The following LCMT1 variants were observed in gnomAD, a reference collection of about 807,000 sequenced individuals.
LCMT1 encodes [Phosphatase 2A protein]-leucine-carboxy methyltransferase 1.
LCMT1 carries 32 observed loss-of-function variants against 47.7 expected under a neutral mutation model. The observed-to-expected ratio is 0.67, with a 90% CI of 0.51 to 0.90. The LOEUF (loss-of-function observed/expected upper bound fraction) is 0.90. LCMT1 is among the 40% of genes least tolerant of loss of function. The pLI, the probability that LCMT1 is intolerant of heterozygous loss-of-function variation, is 0.00. For synonymous variants in LCMT1, 152 were observed against 149.7 expected (o/e 1.02, Z -0.11); for missense variants, 375 against 415.2 (o/e 0.90, Z 0.84).
At chr16:25,130,813 TAA>T (rs896675298) in intron 2 of LCMT1, among the ~76,000 whole-genome samples, 4 of 152,316 alleles carry the variant, frequency 2.6e-5, no homozygotes, top group African/African-American at 9.6e-5. Context: ...CTCCAGAGCG[TAA>T]AGAGAAGTCT....
chr16:25,153,781 C>T (rs982619747), intron 5 of LCMT1, among the ~76,000 whole-genome samples: 14 of 151,808 alleles, frequency 9.2e-5, no homozygotes, highest in Non-Finnish European at 1.6e-4. Context: ...GATGAAACCC[C>T]GTCTCTACTA....
At chr16:25,120,746 T>TG (rs1284119152) in intron 1 of LCMT1, among the ~76,000 whole-genome samples, 4 of 140,462 alleles carry the variant, frequency 2.8e-5, no homozygotes, top group African/African-American at 1.2e-4. Flanking sequence ...TTTGTTTTTT[T>TG]TTTTTGTTTT....
At chr16:25,130,645 C>CA (rs151189729) in intron 2 of LCMT1, among the ~76,000 whole-genome samples, 6 of 151,718 alleles carry the variant, frequency 4.0e-5, no homozygotes, top group Non-Finnish European at 5.9e-5. Context: ...GACCCTGTCT[C>CA]AAAAAAAAGA....
At chr16:25,157,222 C>T (rs557114564) in intron 5 of LCMT1, among the ~76,000 whole-genome samples, 1 of 151,892 alleles carries the variant, frequency 6.6e-6, no homozygotes, top group Admixed American at 6.6e-5. Flanking sequence ...TTTCTCATGC[C>T]TTTTCACCTC....
chr16:25,161,377 G>T lies in LCMT1; in HGVS notation c.569+173G>T, dbSNP rs190729007. Among the ~76,000 whole-genome samples the T allele has an allele frequency of 2.0e-5, 3 of 149,628 alleles. No individual in the cohort carries two copies. In the East Asian group the frequency reaches 5.8e-4, roughly 29 times the overall value. On this transcript the variant is annotated intron_variant, in intron 6 of 10. Transcript: ENST00000399069. ...AAAAATTCTTTTTTTTTTTTTTGAG[G>T]TGGAGTTTTGCTCTTGTTGCCCAGG...
intron 6 of LCMT1, among the ~76,000 whole-genome samples, chr16:25,161,519 G>A (rs1308435195): frequency 6.6e-6 from 1 of 152,022 alleles, no homozygotes; most frequent in African/African-American, 2.4e-5. Context: ...ACCATGCCTG[G>A]CTAAGTTTGT....
intron 3 of LCMT1, among the ~76,000 whole-genome samples, chr16:25,139,224 A>C (rs966480876): frequency 6.6e-6 from 1 of 152,132 alleles, no homozygotes; most frequent in African/African-American, 2.4e-5. Flanking sequence ...TCACTTTTCA[A>C]ACAAGTAAAT....
chr16:25,113,481 A>G (rs1402988519), intron 1 of LCMT1, among the ~76,000 whole-genome samples: 1 of 152,236 alleles, frequency 6.6e-6, no homozygotes, highest in Non-Finnish European at 1.5e-5. Flanking sequence ...GGGGAGTATA[A>G]TAACGCATCA....
At chr16:25,173,359 T>C (rs1425005428) in intron 9 of LCMT1, among the ~76,000 whole-genome samples, 1 of 152,204 alleles carries the variant, frequency 6.6e-6, no homozygotes, top group African/African-American at 2.4e-5. Context: ...TTCTAGAACT[T>C]GGTATCAGAT....
intron 10 of LCMT1, among the ~76,000 whole-genome samples, chr16:25,176,153 GATCT>G (rs1961926993): frequency 6.6e-6 from 1 of 152,094 alleles, no homozygotes; most frequent in African/African-American, 2.4e-5. Context: ...AACAGGCGTG[GATCT>G]ATCTCTGTTT....
At chr16:25,139,967 G>T in intron 3 of LCMT1, 1 of 544,398 alleles carries the variant, frequency 1.8e-6, no homozygotes, top group Non-Finnish European at 3.3e-6. Flanking sequence ...GACTCCTCTG[G>T]CTTCCTGACT....
intron 7 of LCMT1, among the ~76,000 whole-genome samples, chr16:25,165,111 G>GA (rs1961548798): frequency 1.6e-5 from 2 of 124,330 alleles, no homozygotes; most frequent in Non-Finnish European, 3.5e-5. Context: ...TTGGGGACTG[G>GA]TGAAACGGAG....
At chr16:25,114,215 T>G (rs1034562896) in intron 1 of LCMT1, among the ~76,000 whole-genome samples, 1 of 152,210 alleles carries the variant, frequency 6.6e-6, no homozygotes, top group African/African-American at 2.4e-5. Flanking sequence ...TACTTCTGTT[T>G]AGTTTGCTTC....
intron 5 of LCMT1, 195 bp from the exon 6 acceptor site, chr16:25,160,907 C>A: frequency 3.1e-6 from 2 of 640,444 alleles, no homozygotes; most frequent in Non-Finnish European, 5.8e-6. Flanking sequence ...GGACAAAAGG[C>A]TGAAATGTTA....
intron 5 of LCMT1, among the ~76,000 whole-genome samples, chr16:25,160,141 G>C (rs947891848): frequency 7.9e-5 from 12 of 152,074 alleles, no homozygotes; most frequent in African/African-American, 2.4e-4. Context: ...TAGAGACGGA[G>C]TTTTACCATG....
intron 5 of LCMT1, among the ~76,000 whole-genome samples, chr16:25,159,102 T>C (rs1183064574): frequency 2.0e-5 from 3 of 152,244 alleles, no homozygotes; most frequent in African/African-American, 7.2e-5. Context: ...CTGAACTACA[T>C]GGTACTAGAC....
chr16:25,154,720 C>T (rs1262794925), intron 5 of LCMT1, among the ~76,000 whole-genome samples: 1 of 151,786 alleles, frequency 6.6e-6, no homozygotes, highest in African/African-American at 2.4e-5. Flanking sequence ...GATCTCCTGA[C>T]CTCGTGATCC....
chr16:25,118,269 C>T (rs1171876888), intron 1 of LCMT1, among the ~76,000 whole-genome samples: 1 of 152,054 alleles, frequency 6.6e-6, no homozygotes, highest in Non-Finnish European at 1.5e-5. Context: ...CCCCCGTCAC[C>T]GCCATCCTTT....
intron 6 of LCMT1, among the ~76,000 whole-genome samples, chr16:25,163,965 T>C (rs538545323): frequency 6.6e-6 from 1 of 152,268 alleles, no homozygotes; most frequent in South Asian, 2.1e-4. Context: ...ATGGTTCTGC[T>C]TGTGGTTGGG....
Sources: allele counts gnomAD v4.1 joint callset (sites outside exome capture counted in the v4.1 genomes callset), GRCh38; gene constraint gnomAD v4.1.1; transcripts MANE v1.5; gene names NCBI Gene and HGNC (gene_info 2026-07-23, HGNC 2026-07-21).